The following UBE2E2 variants were observed in gnomAD, a reference collection of about 807,000 sequenced individuals.
The protein encoded by UBE2E2 is ubiquitin conjugating enzyme E2 E2.
A neutral mutation model predicts 24.7 loss-of-function variants in UBE2E2; 6 were observed. The ratio of observed to expected loss-of-function variants is 0.24; its 90% CI spans 0.13 to 0.48. UBE2E2 has a LOEUF of 0.48. Ranked by LOEUF, UBE2E2 falls within the 20% of genes least tolerant of loss-of-function variation. The pLI is 0.99. For synonymous variants in UBE2E2, 104 were observed against 83.6 expected (o/e 1.24, Z -1.33); for missense variants, 169 against 245.0 (o/e 0.69, Z 2.07).
intron 3 of UBE2E2, among the ~76,000 whole-genome samples, chr3:23,302,515 C>G (rs986444930): frequency 3.3e-5 from 5 of 152,178 alleles, no homozygotes; most frequent in African/African-American, 4.8e-5. Context: ...TGAGCACACA[C>G]CAACCTCTCC....
chr3:23,273,698 A>G (rs1559329309), intron 3 of UBE2E2: 1 of 152,248 alleles, frequency 6.6e-6, no homozygotes, highest in Non-Finnish European at 1.5e-5. Context: ...GCATCATGAA[A>G]TAACTGAATA....
chr3:23,437,268 A>G (rs769885169), intron 3 of UBE2E2, among the ~76,000 whole-genome samples: 1 of 152,136 alleles, frequency 6.6e-6, no homozygotes, highest in Non-Finnish European at 1.5e-5. Flanking sequence ...TGCAACTACT[A>G]TTTATAGGGA....
intron 3 of UBE2E2, among the ~76,000 whole-genome samples, chr3:23,375,857 G>A (rs1006418164): frequency 5.3e-5 from 8 of 152,092 alleles, no homozygotes; most frequent in Non-Finnish European, 1.0e-4. Flanking sequence ...CTTTCCTTCT[G>A]TACTGTAGAT....
Position 23,589,920 on chromosome 3 carries a change from C to T in UBE2E2, c.*89C>T. ...CTGCCCACCCCTCCAGACCTCGGTT[C>T]TTATTTTCCTATTTTTATTAAATTT... On this transcript the variant is annotated 3_prime_UTR_variant, in exon 6 of 6. Coordinates refer to ENST00000396703, the MANE Select transcript of UBE2E2 (RefSeq NM_152653.4). This position sits in a 1 kb window ranked among gnomAD's most constrained non-coding sequence, Gnocchi z 4.1. The T allele has an allele frequency of 8.2e-7, 1 of 1,225,184 alleles. No individual in the cohort carries two copies. Among genetic ancestry groups the T allele is most frequent in the Non-Finnish European group, 1.2e-6 (1 of 864,170 alleles). 75.9% of individuals were successfully genotyped at this position (1,225,184 alleles called of 1,614,324 possible).
intron 3 of UBE2E2, among the ~76,000 whole-genome samples, chr3:23,326,921 A>T (rs1466416969): frequency 6.6e-6 from 1 of 151,644 alleles, no homozygotes; most frequent in Non-Finnish European, 1.5e-5. Context: ...AGAACATGCG[A>T]TGTTTGGTTT....
rs549645098 is a variant in UBE2E2, at chr3:23,311,952, G to T, written c.227+94640G>T. Among the ~76,000 whole-genome samples the T allele has an allele frequency of 3.3e-5, 5 of 152,262 alleles. No homozygotes were observed. The East Asian group carries it at 9.7e-4, about 30-fold the overall frequency. On this transcript the variant is annotated intron_variant, in intron 3 of 5. Transcript: ENST00000396703. ...TGAATTGTAATCGCCAGTGTTGGAGGTAGGGCCTGGTGGGAGGCGATTGGA... is the reference window on the plus strand; with the variant it reads ...TGAATTGTAATCGCCAGTGTTGGAGTTAGGGCCTGGTGGGAGGCGATTGGA...
At chr3:23,503,118 C>A (rs2125458410) in intron 4 of UBE2E2, among the ~76,000 whole-genome samples, 1 of 150,074 alleles carries the variant, frequency 6.7e-6, no homozygotes, top group South Asian at 2.1e-4. Flanking sequence ...CATTCAGTAT[C>A]TTTTTAAGGT....
At chr3:23,294,671 A>G (rs1485671100) in intron 3 of UBE2E2, among the ~76,000 whole-genome samples, 3 of 146,274 alleles carry the variant, frequency 2.1e-5, no homozygotes, top group Non-Finnish European at 4.5e-5. Context: ...TTTTAAATAA[A>G]TATAATATTT....
At chr3:23,585,905 T>G (rs1473807572) in intron 5 of UBE2E2, among the ~76,000 whole-genome samples, 1 of 60,466 alleles carries the variant, frequency 1.7e-5, no homozygotes, top group South Asian at 6.8e-4. Context: ...TGATAACATG[T>G]TTTTTTTTTT....
At chr3:23,249,724 C>T (rs763045883) in intron 3 of UBE2E2, among the ~76,000 whole-genome samples, 7 of 151,662 alleles carry the variant, frequency 4.6e-5, no homozygotes, top group Non-Finnish European at 7.4e-5. Flanking sequence ...GGCATGATCT[C>T]GGCTCACTGC....
chr3:23,209,363 C>T (rs1696252283), intron 2 of UBE2E2, among the ~76,000 whole-genome samples: 1 of 152,086 alleles, frequency 6.6e-6, no homozygotes, highest in Non-Finnish European at 1.5e-5. Context: ...CATCTTGATA[C>T]GGATTTTCTC....
intron 3 of UBE2E2, among the ~76,000 whole-genome samples, chr3:23,356,093 G>C (rs1171624611): frequency 6.6e-6 from 1 of 152,216 alleles, no homozygotes; most frequent in Non-Finnish European, 1.5e-5. Context: ...CTGAGTAGCA[G>C]AGTAGACCTG....
chr3:23,378,091 A>C (rs1696567159), intron 3 of UBE2E2, among the ~76,000 whole-genome samples: 1 of 152,078 alleles, frequency 6.6e-6, no homozygotes, highest in Non-Finnish European at 1.5e-5. Flanking sequence ...CAGCTGAGAG[A>C]TATTAAAAGC....
At chr3:23,206,119 A>G (rs1163528550) in intron 1 of UBE2E2, among the ~76,000 whole-genome samples, 1 of 152,210 alleles carries the variant, frequency 6.6e-6, no homozygotes, top group Non-Finnish European at 1.5e-5. Flanking sequence ...AATGTATAAA[A>G]TGATTTCTCA....
At chr3:23,324,005 G>A (rs562825170) in intron 3 of UBE2E2, among the ~76,000 whole-genome samples, 1 of 152,216 alleles carries the variant, frequency 6.6e-6, no homozygotes, top group African/African-American at 2.4e-5. Flanking sequence ...TGAACAAATG[G>A]TACATGCTTG....
chr3:23,551,686 T>A (rs150979966), intron 5 of UBE2E2, among the ~76,000 whole-genome samples: 140 of 152,098 alleles, frequency 9.2e-4, no homozygotes, highest in African/African-American at 3.3e-3. Context: ...CAAAGAAATG[T>A]GGGGATGAGA....
chr3:23,419,136 G>T (rs1908773), intron 3 of UBE2E2, among the ~76,000 whole-genome samples: 93,159 of 151,688 alleles, frequency 0.61, 29,253 homozygotes, highest in African/African-American at 0.73. Flanking sequence ...TTATTTTTAT[G>T]TTTTATTTTG....
rs964837090 is a variant in UBE2E2 at position 23,474,766 on chromosome 3, A to G, written c.228-24842A>G. ...CCTCCTTCCTTCCTGTCACAGCAGA[A>G]AAGGTGTCAGTGCTTCTGTCTGTGG... On this transcript the variant is annotated intron_variant, in intron 3 of 5. Coordinates refer to ENST00000396703, the MANE Select transcript of UBE2E2 (RefSeq NM_152653.4). This position sits in a 1 kb window ranked among gnomAD's most constrained non-coding sequence, Gnocchi z 4.0. Among the ~76,000 whole-genome samples the G allele has an allele frequency of 7.2e-5, 11 of 152,150 alleles. 2 individuals are homozygous for G. Among genetic ancestry groups the G allele is most frequent in the Admixed American group, 1.3e-4 (2 of 15,290 alleles).
intron 5 of UBE2E2, chr3:23,534,147 TTTGA>T: frequency 2.1e-6 from 2 of 959,550 alleles, no homozygotes; most frequent in Non-Finnish European, 2.5e-6. Context: ...TTTTTTTTTT[TTTGA>T]GGTGATTTCG....
Sources: gnomAD v4.1 joint callset for allele counts (sites outside exome capture counted in the v4.1 genomes callset) on GRCh38, gnomAD v4.1.1 for gene constraint, Gnocchi (gnomAD v3.1) non-coding constraint, MANE v1.5 for transcripts, NCBI Gene and HGNC (gene_info 2026-07-23, HGNC 2026-07-21) for gene names.